Variants in KIF6 observed in about 807,000 individuals in gnomAD.
The protein encoded by KIF6 is kinesin family member 6.
Under a neutral mutation model 112.7 loss-of-function variants are expected in KIF6, and 106 were observed. That is an observed-to-expected ratio of 0.94 (90% CI 0.80 to 1.11). KIF6 has a LOEUF of 1.11. Among genes scored for constraint, KIF6 ranks in the 50% least tolerant of loss-of-function variants. KIF6 has a pLI of 0.00. For synonymous variants in KIF6, 339 were observed against 339.9 expected, an observed-to-expected ratio of 1.00 and a Z score of 0.03; for missense variants, 929 against 964.0, an observed-to-expected ratio of 0.96 and a Z score of 0.48.
chr6:39,541,123 C>T (rs1440573969), intron 12 of KIF6, among the ~76,000 whole-genome samples: 2 of 152,054 alleles, frequency 1.3e-5, no homozygotes, highest in Non-Finnish European at 2.9e-5. Context: ...TGGTATGTGT[C>T]CTAAAGGGTA....
At chr6:39,695,530 G>C (rs990498529) in intron 3 of KIF6, among the ~76,000 whole-genome samples, 4 of 151,998 alleles carry the variant, frequency 2.6e-5, no homozygotes, top group Admixed American at 6.6e-5. Context: ...ATATACAAAT[G>C]GGCAACCAAG....
At chr6:39,662,406 C>G (rs1260807505) in intron 3 of KIF6, among the ~76,000 whole-genome samples, 1 of 152,032 alleles carries the variant, frequency 6.6e-6, no homozygotes, top group Non-Finnish European at 1.5e-5. Flanking sequence ...ATTTAATTAG[C>G]TAAATTAGAA....
intron 13 of KIF6, among the ~76,000 whole-genome samples, chr6:39,475,352 C>G (rs533602184): frequency 6.6e-6 from 1 of 152,172 alleles, no homozygotes; most frequent in Non-Finnish European, 1.5e-5. Context: ...TTAAAACACA[C>G]GCAAACATAC....
At chr6:39,492,337 C>T (rs1562261707) in intron 13 of KIF6, among the ~76,000 whole-genome samples, 1 of 152,190 alleles carries the variant, frequency 6.6e-6, no homozygotes, top group Non-Finnish European at 1.5e-5. Flanking sequence ...GAAGCCCATA[C>T]ATTTTCTAAG....
At chr6:39,537,291 T>C (rs963956101) in intron 13 of KIF6, among the ~76,000 whole-genome samples, 2 of 152,176 alleles carry the variant, frequency 1.3e-5, no homozygotes, top group Non-Finnish European at 2.9e-5. Flanking sequence ...TGTTTGCAGA[T>C]GACATGATTG....
chr6:39,683,501 C>A (rs1582442470), intron 3 of KIF6, among the ~76,000 whole-genome samples: 1 of 151,868 alleles, frequency 6.6e-6, no homozygotes. Context: ...TCATAAATAC[C>A]CAAGTGGAGA....
At chr6:39,437,039 T>C (rs1326969535) in intron 13 of KIF6, among the ~76,000 whole-genome samples, 5 of 152,140 alleles carry the variant, frequency 3.3e-5, no homozygotes, top group Non-Finnish European at 7.4e-5. Context: ...TCTATGTTTT[T>C]TTTCATCAGT....
chr6:39,725,290 C>A lies in KIF6; in HGVS notation c.21G>T (p.Gln7His). 1.2e-6 allele frequency: 2 copies of A among 1,611,038 alleles called. No homozygotes were observed. Among genetic ancestry groups the A allele is most frequent in the Non-Finnish European group, 1.7e-6 (2 of 1,178,834 alleles). Residue 7 changes from glutamine to histidine, a missense_variant, in exon 1 of 23, where the codon CAG (glutamine) becomes CAT (histidine). Around this residue, in one of 2 missense-constraint regions of KIF6, gnomAD observed 688 missense variants for 662.7 expected, o/e 1.04. Coordinates refer to ENST00000287152, the MANE Select transcript of KIF6 (RefSeq NM_145027.6). MVKQTI[Q>H]IFARVKPPVR... ...CAGGGGGCTTCACCCTCGCGAATAT[C>A]TGGATAGTCTGCTTCACCATCTCCT...
At chr6:39,404,837 A>AT (rs140318792) in intron 15 of KIF6, among the ~76,000 whole-genome samples, 3 of 151,150 alleles carry the variant, frequency 2.0e-5, no homozygotes, top group Admixed American at 6.6e-5. Context: ...GTCTTTTTTG[A>AT]TTTTTTTTAT....
chr6:39,719,427 G>C (rs1229606719), intron 2 of KIF6, among the ~76,000 whole-genome samples: 1 of 152,036 alleles, frequency 6.6e-6, no homozygotes, highest in Non-Finnish European at 1.5e-5. Context: ...CTCAAAACAG[G>C]GCCTTTGTAA....
rs903617577 is a variant in KIF6, at chr6:39,545,521, A to C, written c.1287+62T>G. ...CTTCCAAGAACTGGTCAACTAGAAA[A>C]GTTTTTTTGCAGCTTGAACATGGCT... On this transcript the variant is annotated intron_variant, in intron 11 of 22. Coordinates refer to ENST00000287152, the MANE Select transcript of KIF6 (RefSeq NM_145027.6). 4.0e-6 allele frequency: 5 copies of C among 1,238,396 alleles called. No individual in the cohort carries two copies. In the African/African-American group the frequency reaches 7.5e-5, roughly 18 times the overall value. The allele number at this position is 1,238,396 out of a possible 1,614,324, so 76.7% of individuals were successfully genotyped here.
chr6:39,546,941 TC>T (rs1385947136), intron 10 of KIF6, among the ~76,000 whole-genome samples: 1 of 152,056 alleles, frequency 6.6e-6, no homozygotes, highest in South Asian at 2.1e-4. Context: ...GTTCTTCCCG[TC>T]CCCCTAACAT....
At chr6:39,500,952 C>A (rs1164955776) in intron 13 of KIF6, among the ~76,000 whole-genome samples, 3 of 151,924 alleles carry the variant, frequency 2.0e-5, no homozygotes, top group Non-Finnish European at 4.4e-5. Context: ...AGCAAGATGG[C>A]CAATTAGAAG....
intron 13 of KIF6, among the ~76,000 whole-genome samples, chr6:39,439,506 G>A (rs1321982346): frequency 6.6e-6 from 1 of 152,256 alleles, no homozygotes; most frequent in East Asian, 1.9e-4. Flanking sequence ...TGCAATTTCG[G>A]TTGTAAGTTG....
intron 10 of KIF6, among the ~76,000 whole-genome samples, chr6:39,558,835 C>T (rs963923629): frequency 6.6e-6 from 1 of 152,060 alleles, no homozygotes; most frequent in African/African-American, 2.4e-5. Flanking sequence ...TTCATTTGGC[C>T]TATTAGAACC....
At chr6:39,574,644 T>C (rs1390734612) in intron 10 of KIF6, among the ~76,000 whole-genome samples, 1 of 152,184 alleles carries the variant, frequency 6.6e-6, no homozygotes. Context: ...CTATATGGCT[T>C]AGCACTTGGT....
At chr6:39,530,268 C>T (rs1052978648) in intron 13 of KIF6, among the ~76,000 whole-genome samples, 3 of 152,222 alleles carry the variant, frequency 2.0e-5, no homozygotes, top group Non-Finnish European at 2.9e-5. Flanking sequence ...CCAATGGCAT[C>T]ATCTGTGATG....
chr6:39,653,067 CG>C (rs1561900375), intron 3 of KIF6, among the ~76,000 whole-genome samples: 4 of 152,162 alleles, frequency 2.6e-5, no homozygotes, highest in African/African-American at 9.7e-5. Context: ...ATCAATATAA[CG>C]GTTTAAGTTA....
intron 13 of KIF6, among the ~76,000 whole-genome samples, chr6:39,533,217 A>G (rs1430492586): frequency 6.6e-6 from 1 of 152,230 alleles, no homozygotes; most frequent in Non-Finnish European, 1.5e-5. Context: ...GCATTGCCTC[A>G]CTCGGGAAGC....
Sources: gnomAD v4.1 joint callset for allele counts (sites outside exome capture counted in the v4.1 genomes callset) on GRCh38, gnomAD v4.1.1 for gene constraint, gnomAD v4.1.1 regional missense constraint, MANE v1.5 for transcripts, NCBI Gene and HGNC (gene_info 2026-07-23, HGNC 2026-07-21) for gene names.